Variants in DNM3 observed in about 807,000 individuals in gnomAD.
DNM3 encodes the protein dynamin-3.
A neutral mutation model predicts 101.6 loss-of-function variants in DNM3; 47 were observed. That is an observed-to-expected ratio of 0.46 (90% CI 0.37 to 0.59). DNM3 has a LOEUF of 0.59. Ranked by LOEUF, DNM3 falls within the 20% of genes least tolerant of loss-of-function variation. The probability of loss-of-function intolerance (pLI) is 0.00; values close to 1 mark genes in which losing one functional copy is unlikely to be tolerated. For missense variants in DNM3, 849 were observed against 1,085.7 expected (o/e 0.78, Z 3.06); for synonymous variants, 385 against 387.9 (o/e 0.99, Z 0.09).
At chr1:172,197,506 C>A (rs1287868618) in intron 14 of DNM3, among the ~76,000 whole-genome samples, 1 of 151,980 alleles carries the variant, frequency 6.6e-6, no homozygotes, top group Non-Finnish European at 1.5e-5. Context: ...GGCAGTATAA[C>A]CATTTTAATG....
intron 2 of DNM3, among the ~76,000 whole-genome samples, chr1:171,964,338 A>G (rs573947721): frequency 4.9e-4 from 75 of 152,266 alleles, no homozygotes; most frequent in Non-Finnish European, 7.9e-4. Flanking sequence ...CTCGGCCTCT[A>G]CAACCTCTTA....
At chr1:172,227,155 G>A (rs923465883) in intron 14 of DNM3, among the ~76,000 whole-genome samples, 3 of 151,090 alleles carry the variant, frequency 2.0e-5, no homozygotes, top group Non-Finnish European at 3.0e-5. Context: ...AGAATATGCA[G>A]CACTTGGTTT....
chr1:172,319,974 A>C (rs1298508138), intron 16 of DNM3, among the ~76,000 whole-genome samples: 1 of 152,004 alleles, frequency 6.6e-6, no homozygotes, highest in Non-Finnish European at 1.5e-5. Flanking sequence ...AAAGACTTGG[A>C]ACCAAGCCAA....
chr1:172,087,076 C>T (rs1286594010), intron 12 of DNM3, among the ~76,000 whole-genome samples: 4 of 152,156 alleles, frequency 2.6e-5, no homozygotes. Context: ...CCACTCCACT[C>T]CACTGAGACT....
At chr1:171,954,594 C>G (rs932865943) in intron 2 of DNM3, among the ~76,000 whole-genome samples, 1 of 152,204 alleles carries the variant, frequency 6.6e-6, no homozygotes, top group South Asian at 2.1e-4. Flanking sequence ...GCTCTCACAG[C>G]TGATACGCAG....
At position 172,387,133 on chromosome 1, in the gene DNM3, G is replaced by A. The variant is rs2069228932; in HGVS notation, c.2059G>A (p.Val687Ile). The change falls in exon 19 of 21, where the codon GTT becomes ATT. Residue 687 changes from valine (V) to isoleucine (I), a missense_variant and splice_region_variant. Val to Ile is a conservative substitution (Grantham distance 29). Coordinates refer to ENST00000627582, the MANE Select transcript of DNM3 (RefSeq NM_015569.5). ...TTATTTCTCTGTGGTGATCTGACAG[G>A]TTAAAGATTTCATAAATTCCGAGCT... ...KTIMHLMINN[V>I]KDFINSELLA... 1 of 1,611,862 alleles carries A rather than the reference G, an allele frequency of 6.2e-7. No individual in the cohort carries two copies. Among genetic ancestry groups the A allele is most frequent in the African/African-American group, 1.3e-5 (1 of 74,826 alleles).
intron 2 of DNM3, among the ~76,000 whole-genome samples, chr1:171,983,333 C>T (rs1037387351): frequency 5.0e-5 from 5 of 100,518 alleles, no homozygotes; most frequent in African/African-American, 1.1e-4. Flanking sequence ...GGCACACTGC[C>T]TGTAGTCCCA....
At chr1:171,916,014 T>G (rs1205984928) in intron 1 of DNM3, among the ~76,000 whole-genome samples, 1 of 152,248 alleles carries the variant, frequency 6.6e-6, no homozygotes, top group Non-Finnish European at 1.5e-5. Context: ...ACAAGACTTT[T>G]GTCCTGAGTG....
chr1:172,322,599 T>A (rs2065769934), intron 16 of DNM3, among the ~76,000 whole-genome samples: 1 of 152,170 alleles, frequency 6.6e-6, no homozygotes, highest in African/African-American at 2.4e-5. Flanking sequence ...CTTTTAGAAA[T>A]GACTACATTT....
intron 14 of DNM3, among the ~76,000 whole-genome samples, chr1:172,214,514 A>AC (rs2060625231): frequency 8.9e-6 from 1 of 112,320 alleles, no homozygotes; most frequent in Non-Finnish European, 2.0e-5. Context: ...CACACACCTC[A>AC]TCCCCCCCAC....
At chr1:172,073,248 TATATACATAC>T (rs2052356149) in intron 11 of DNM3, among the ~76,000 whole-genome samples, 1 of 150,786 alleles carries the variant, frequency 6.6e-6, no homozygotes, top group Non-Finnish European at 1.5e-5. Flanking sequence ...TACATGTACA[TATATACATAC>T]ATATACGTAT....
At chr1:171,908,057 A>G (rs1234326703) in intron 1 of DNM3, among the ~76,000 whole-genome samples, 1 of 152,216 alleles carries the variant, frequency 6.6e-6, no homozygotes, top group African/African-American at 2.4e-5. Flanking sequence ...TTTATAAAAT[A>G]CTTAGCATTT....
chr1:172,401,802 AT>A (rs1490093049), intron 20 of DNM3, among the ~76,000 whole-genome samples: 3 of 152,220 alleles, frequency 2.0e-5, no homozygotes, highest in African/African-American at 7.2e-5. Context: ...ATTATAAAAT[AT>A]TATCTTCCAT....
At chr1:172,132,855 A>G (rs2057014473) in intron 14 of DNM3, 1 of 774,106 alleles carries the variant, frequency 1.3e-6, no homozygotes, top group Non-Finnish European at 2.3e-6. Context: ...TTTTTAAAAA[A>G]GTCTTTTCTA....
intron 4 of DNM3, among the ~76,000 whole-genome samples, chr1:172,000,951 G>A (rs942692982): frequency 2.0e-5 from 3 of 152,066 alleles, no homozygotes; most frequent in African/African-American, 7.2e-5. Context: ...TGGAAATGAT[G>A]TAGAAGAGAA....
At position 172,411,629 on chromosome 1, in the gene DNM3, C is replaced by T. The variant is rs2071212915; in HGVS notation, c.*3788C>T. The T allele has an allele frequency of 3.0e-6, 3 of 984,622 alleles. No individual in the cohort carries two copies. The highest frequency in any genetic ancestry group is 6.2e-5 in the Admixed American group (1 of 16,200). 61.0% of individuals were successfully genotyped at this position (984,622 alleles called of 1,614,324 possible). On this transcript the variant is annotated 3_prime_UTR_variant, in exon 21 of 21. Coordinates refer to ENST00000627582, the MANE Select transcript of DNM3 (RefSeq NM_015569.5). The stretch of plus-strand genomic sequence containing the variant: ...ATATAAGAGAGAAGCTATCTAATAC[C>T]TTGGAGGTAGGTCATCCACTTTTTC...
chr1:172,169,917 G>A (rs1442298948), intron 14 of DNM3, among the ~76,000 whole-genome samples: 1 of 151,644 alleles, frequency 6.6e-6, no homozygotes, highest in Non-Finnish European at 1.5e-5. Flanking sequence ...TAACATCAAG[G>A]AACCAAGGGC....
intron 15 of DNM3, among the ~76,000 whole-genome samples, chr1:172,268,466 T>C (rs1024913076): frequency 6.6e-6 from 1 of 152,120 alleles, no homozygotes; most frequent in African/African-American, 2.4e-5. Context: ...CTTTTTCCTT[T>C]AAGAGTGTCC....
intron 4 of DNM3, among the ~76,000 whole-genome samples, chr1:172,031,128 A>G (rs1479371969): frequency 9.9e-5 from 15 of 152,250 alleles, no homozygotes; most frequent in Admixed American, 9.8e-4. Context: ...CACTATTTAT[A>G]GTAGCAAAGA....
Sources: allele counts gnomAD v4.1 joint callset (sites outside exome capture counted in the v4.1 genomes callset), GRCh38; gene constraint gnomAD v4.1.1; transcripts MANE v1.5; gene names NCBI Gene and HGNC (gene_info 2026-07-23, HGNC 2026-07-21).